ABI3BP: variants seen among roughly 807,000 people sequenced by gnomAD.
The protein encoded by ABI3BP is target of Nesh-SH3.
ABI3BP carries 216 observed loss-of-function variants against 268.6 expected under a neutral mutation model. That is an observed-to-expected ratio of 0.80 (90% confidence interval 0.72 to 0.90). ABI3BP has a LOEUF of 0.90. ABI3BP is among the 40% of genes least tolerant of loss of function. The pLI is 0.00. For synonymous variants in ABI3BP, 730 were observed against 730.0 expected, an observed-to-expected ratio of 1.00 and a Z score of 0.00; for missense variants, 2,090 against 2,182.4, an observed-to-expected ratio of 0.96 and a Z score of 0.84.
At chr3:100,989,864 A>G (rs2092645451) in intron 1 of ABI3BP, among the ~76,000 whole-genome samples, 1 of 152,242 alleles carries the variant, frequency 6.6e-6, no homozygotes, top group Non-Finnish European at 1.5e-5. Context: ...GCTGGAGCAC[A>G]GGGGCTTCCA....
At chr3:100,917,495 A>C (rs1410637080) in intron 2 of ABI3BP, among the ~76,000 whole-genome samples, 1 of 152,156 alleles carries the variant, frequency 6.6e-6, no homozygotes, top group Non-Finnish European at 1.5e-5. Context: ...TCTATTCCAG[A>C]TAACCCTTTA....
At chr3:100,806,371 A>T (rs952460506) in intron 50 of ABI3BP, among the ~76,000 whole-genome samples, 14 of 152,114 alleles carry the variant, frequency 9.2e-5, no homozygotes, top group African/African-American at 3.1e-4. Context: ...ATTTGCAGGA[A>T]CTAGTTAAGG....
intron 30 of ABI3BP, among the ~76,000 whole-genome samples, chr3:100,832,570 CA>C (rs2098511625): frequency 6.6e-6 from 1 of 152,024 alleles, no homozygotes; most frequent in Non-Finnish European, 1.5e-5. Context: ...ATTTAAGAAA[CA>C]AACATTAGAA....
At chr3:100,879,406 C>A (rs1028188658) in intron 6 of ABI3BP, among the ~76,000 whole-genome samples, 1 of 152,184 alleles carries the variant, frequency 6.6e-6, no homozygotes, top group Non-Finnish European at 1.5e-5. Flanking sequence ...TCACTTAGTG[C>A]ACATTTTGTA....
chr3:100,833,182 A>C (rs1217206346), intron 29 of ABI3BP, 25 bp from the exon 30 acceptor site: 1 of 1,528,058 alleles, frequency 6.5e-7, no homozygotes, highest in South Asian at 1.2e-5. Flanking sequence ...GATCAAAAGC[A>C]ATTTTAAAAA....
At chr3:100,924,772 A>G (rs1002097332) in intron 2 of ABI3BP, among the ~76,000 whole-genome samples, 3 of 152,182 alleles carry the variant, frequency 2.0e-5, no homozygotes, top group Non-Finnish European at 4.4e-5. Context: ...TTTTATCAGT[A>G]ATAATTTGAC....
chr3:100,877,411 C>T (rs1478578424), intron 6 of ABI3BP, among the ~76,000 whole-genome samples: 1 of 152,198 alleles, frequency 6.6e-6, no homozygotes, highest in Non-Finnish European at 1.5e-5. Flanking sequence ...TATTCCACAG[C>T]CTGTACTTTC....
chr3:100,853,576 T>C (rs781309372), intron 14 of ABI3BP, among the ~76,000 whole-genome samples: 1 of 152,234 alleles, frequency 6.6e-6, no homozygotes, highest in Non-Finnish European at 1.5e-5. Context: ...TTATCCTAAC[T>C]CCTAAAGCTC....
chr3:100,989,028 A>G (rs1240927717), intron 1 of ABI3BP, among the ~76,000 whole-genome samples: 1 of 152,180 alleles, frequency 6.6e-6, no homozygotes, highest in African/African-American at 2.4e-5. Flanking sequence ...GTGCGATAGT[A>G]TTAGGAGCTG....
At chr3:100,980,700 G>C (rs937420993) in intron 1 of ABI3BP, among the ~76,000 whole-genome samples, 1 of 152,108 alleles carries the variant, frequency 6.6e-6, no homozygotes, top group Admixed American at 6.6e-5. Context: ...AAAGAAAGAG[G>C]TTTATATGTT....
At chr3:100,764,068 G>C (rs537518986) in intron 63 of ABI3BP, among the ~76,000 whole-genome samples, 1 of 152,184 alleles carries the variant, frequency 6.6e-6, no homozygotes, top group Non-Finnish European at 1.5e-5. Flanking sequence ...CTCATGCTGA[G>C]GTAAAAATAG....
chr3:100,893,089 G>C (rs569168959), intron 4 of ABI3BP, among the ~76,000 whole-genome samples: 291 of 152,330 alleles, frequency 1.9e-3, no homozygotes, highest in African/African-American at 6.6e-3. Context: ...GGCAAAAGAA[G>C]TTGGAAGGAC....
chr3:100,910,896 A>C (rs2056149713), intron 2 of ABI3BP: 1 of 154,582 alleles, frequency 6.5e-6, no homozygotes, highest in East Asian at 1.9e-4. Flanking sequence ...TAGTAAAAAC[A>C]ATAGAATAGA....
intron 22 of ABI3BP, among the ~76,000 whole-genome samples, chr3:100,840,386 C>A (rs921727145): frequency 6.6e-6 from 1 of 152,036 alleles, no homozygotes; most frequent in Non-Finnish European, 1.5e-5. Flanking sequence ...GTCTGTTCTT[C>A]CATTTTGAGA....
intron 58 of ABI3BP, among the ~76,000 whole-genome samples, chr3:100,779,062 A>G (rs1193040849): frequency 2.0e-5 from 3 of 152,196 alleles, no homozygotes; most frequent in African/African-American, 7.2e-5. Context: ...AATTTCTTAT[A>G]CCATTTTAGT....
rs533495818 is a variant in ABI3BP, at chr3:100,749,336, TAAAAA to T, written c.*1154_*1158del. The T allele has an allele frequency of 7.7e-6, 1 of 129,762 alleles. No homozygotes were observed. The highest frequency in any genetic ancestry group is 1.4e-5 in the Non-Finnish European group (1 of 69,934). 8.0% of individuals were successfully genotyped at this position (129,762 alleles called of 1,614,324 possible). Reference sequence around the variant, plus strand: ...GAAATAACAAACAAAAACTCAATCTTAAAAAAAAACTACATCTCTTTATTGCAGAA... The same window carrying T: ...GAAATAACAAACAAAAACTCAATCTTAAAACTACATCTCTTTATTGCAGAA... On this transcript the variant is annotated 3_prime_UTR_variant, in exon 68 of 68. Coordinates refer to ENST00000471714, the MANE Select transcript of ABI3BP (RefSeq NM_001375547.2).
Position 100,821,255 on chromosome 3 carries a change from A to AG in ABI3BP, c.2888-143dup, listed in dbSNP as rs1298094962. 36 of 697,988 alleles carry AG rather than the reference A, an allele frequency of 5.2e-5. 1 individual carries two copies. In the East Asian group the frequency reaches 9.6e-4, roughly 19 times the overall value. 43.2% of individuals were successfully genotyped at this position (697,988 alleles called of 1,614,324 possible). ...CTTTAAAAACTGTTAAAACTAAAAA[A>AG]GTAGACAGTTGATTTCCTAAAATTT... On this transcript the variant is annotated intron_variant, in intron 38 of 67. Transcript: ENST00000471714.
chr3:100,770,639 C>G (rs532308634), intron 62 of ABI3BP, 104 bp downstream of exon 62: 24 of 1,139,740 alleles, frequency 2.1e-5, no homozygotes, highest in Non-Finnish European at 2.8e-5. Context: ...TTGTCTCCTC[C>G]CCAGGTATGC....
At chr3:100,832,649 G>T (rs922991574) in intron 30 of ABI3BP, among the ~76,000 whole-genome samples, 5 of 152,014 alleles carry the variant, frequency 3.3e-5, no homozygotes, top group Non-Finnish European at 7.4e-5. Flanking sequence ...TGTGAGAGAG[G>T]TTCTAACCAA....
Sources: gnomAD v4.1 joint callset for allele counts (sites outside exome capture counted in the v4.1 genomes callset) on GRCh38, gnomAD v4.1.1 for gene constraint, MANE v1.5 for transcripts, NCBI Gene and HGNC (gene_info 2026-07-23, HGNC 2026-07-21) for gene names.